GNA14: variants seen among roughly 807,000 people sequenced by gnomAD.
The protein encoded by GNA14 is guanine nucleotide-binding protein subunit alpha-14.
In GNA14, 50 loss-of-function variants were observed where a neutral mutation model predicts 42.0. The observed-to-expected ratio is 1.19, with a 90% confidence interval of 0.95 to 1.51. The LOEUF is 1.51. Among genes scored for constraint, GNA14 ranks in the 40% most tolerant of loss-of-function variants. The probability of loss-of-function intolerance (pLI) is 0.00; values close to 1 mark genes in which losing one functional copy is unlikely to be tolerated. For missense variants in GNA14, 473 were observed against 446.2 expected (o/e 1.06, Z -0.54); for synonymous variants, 173 against 163.1 (o/e 1.06, Z -0.46).
At chr9:77,525,845 A>C (rs1837426415) in intron 2 of GNA14, among the ~76,000 whole-genome samples, 1 of 148,550 alleles carries the variant, frequency 6.7e-6, no homozygotes, top group African/African-American at 2.5e-5. Context: ...GCCGTGCCCC[A>C]GGATGGTTTG....
chr9:77,587,487 T>C (rs1204747504), intron 1 of GNA14, among the ~76,000 whole-genome samples: 1 of 152,222 alleles, frequency 6.6e-6, no homozygotes. Flanking sequence ...AATGAGGTAC[T>C]GGCACATGCT....
At chr9:77,451,834 A>G (rs1027130572) in intron 2 of GNA14, among the ~76,000 whole-genome samples, 1 of 152,192 alleles carries the variant, frequency 6.6e-6, no homozygotes, top group African/African-American at 2.4e-5. Flanking sequence ...TCTCTCCTCA[A>G]GCATCTCAAA....
chr9:77,503,256 TG>T (rs1837004306), intron 2 of GNA14, among the ~76,000 whole-genome samples: 1 of 152,218 alleles, frequency 6.6e-6, no homozygotes, highest in Non-Finnish European at 1.5e-5. Context: ...CCAGTCCTCA[TG>T]GGTGATCAAC....
At chr9:77,604,645 A>G (rs999536341) in intron 1 of GNA14, among the ~76,000 whole-genome samples, 1 of 152,220 alleles carries the variant, frequency 6.6e-6, no homozygotes, top group East Asian at 1.9e-4. Flanking sequence ...GCAGAATGAC[A>G]TGGAAGCAAA....
chr9:77,505,831 A>G (rs1293422126), intron 2 of GNA14, among the ~76,000 whole-genome samples: 1 of 152,228 alleles, frequency 6.6e-6, no homozygotes, highest in Non-Finnish European at 1.5e-5. Flanking sequence ...TTAATCAGGT[A>G]ACAGGTGCAT....
chr9:77,548,102 C>G (rs1011898936), intron 1 of GNA14, among the ~76,000 whole-genome samples: 1 of 152,168 alleles, frequency 6.6e-6, no homozygotes, highest in African/African-American at 2.4e-5. Context: ...GCTGCTGTAA[C>G]AAAGTACCTC....
chr9:77,620,848 CAA>C (rs35141766), intron 1 of GNA14, among the ~76,000 whole-genome samples: 15,000 of 73,370 alleles, frequency 0.2, 635 homozygotes, highest in South Asian at 0.32. Flanking sequence ...AATCTTGTCT[CAA>C]AAAAAAAAAA....
At chr9:77,517,940 C>T (rs543675457) in intron 2 of GNA14, 1 of 151,902 alleles carries the variant, frequency 6.6e-6, no homozygotes, top group African/African-American at 2.4e-5. Flanking sequence ...CTGAAAAGAA[C>T]TCTTGTATTA....
chr9:77,444,139 A>G (rs1399328910), intron 2 of GNA14, among the ~76,000 whole-genome samples: 1 of 152,114 alleles, frequency 6.6e-6, no homozygotes, highest in Non-Finnish European at 1.5e-5. Flanking sequence ...GAACCTACTG[A>G]CGTTTCCCAG....
intron 2 of GNA14, among the ~76,000 whole-genome samples, chr9:77,457,048 A>C (rs1274799696): frequency 6.6e-6 from 1 of 152,216 alleles, no homozygotes; most frequent in Non-Finnish European, 1.5e-5. Context: ...CACAATTGCA[A>C]GCCCATTAAC....
chr9:77,534,652 A>T (rs1306940538), intron 1 of GNA14, among the ~76,000 whole-genome samples: 1 of 152,230 alleles, frequency 6.6e-6, no homozygotes, highest in African/African-American at 2.4e-5. Context: ...ATGAGCACAC[A>T]GTTCTGGATG....
At chr9:77,523,288 G>C (rs1056754023) in intron 2 of GNA14, among the ~76,000 whole-genome samples, 1 of 152,146 alleles carries the variant, frequency 6.6e-6, no homozygotes, top group African/African-American at 2.4e-5. Flanking sequence ...GCATCTGCTC[G>C]GCTTCTGGGG....
chr9:77,474,992 G>C (rs987593227), intron 2 of GNA14, among the ~76,000 whole-genome samples: 1 of 151,972 alleles, frequency 6.6e-6, no homozygotes, highest in Non-Finnish European at 1.5e-5. Flanking sequence ...CTAGGACTGG[G>C]AGGTCATGGA....
intron 1 of GNA14, among the ~76,000 whole-genome samples, chr9:77,551,318 C>G (rs1837782872): frequency 6.6e-6 from 1 of 152,146 alleles, no homozygotes; most frequent in Non-Finnish European, 1.5e-5. Context: ...CTAATGCTGA[C>G]AACTCAAACT....
intron 2 of GNA14, among the ~76,000 whole-genome samples, chr9:77,470,210 A>G (rs995084128): frequency 6.6e-6 from 1 of 152,122 alleles, no homozygotes; most frequent in African/African-American, 2.4e-5. Context: ...ACTGGGGTGG[A>G]GAGACAGTGG....
intron 2 of GNA14, among the ~76,000 whole-genome samples, chr9:77,507,275 A>G (rs73651517): frequency 0.019 from 2,849 of 152,336 alleles, 66 homozygotes; most frequent in African/African-American, 0.065. Context: ...TCTTGCTTCA[A>G]TATGCTTACC....
intron 2 of GNA14, among the ~76,000 whole-genome samples, chr9:77,522,669 G>A (rs942730500): frequency 3.3e-5 from 5 of 152,112 alleles, no homozygotes; most frequent in African/African-American, 1.2e-4. Flanking sequence ...CACCTGGGAG[G>A]GACCTAAAAC....
chr9:77,472,342 G>T (rs548628088), intron 2 of GNA14, among the ~76,000 whole-genome samples: 6 of 152,198 alleles, frequency 3.9e-5, no homozygotes, highest in African/African-American at 1.4e-4. Flanking sequence ...AATCTTTCAT[G>T]GCATGGACTC....
At chr9:77,427,794 T>TC (rs1383346738) in intron 5 of GNA14, among the ~76,000 whole-genome samples, 9 of 152,114 alleles carry the variant, frequency 5.9e-5, no homozygotes, top group African/African-American at 2.2e-4. Flanking sequence ...AGGGAGTCCC[T>TC]CCCAGGAGAC....
Sources: allele counts gnomAD v4.1 joint callset (sites outside exome capture counted in the v4.1 genomes callset), GRCh38; gene constraint gnomAD v4.1.1; transcripts MANE v1.5; gene names NCBI Gene and HGNC (gene_info 2026-07-23, HGNC 2026-07-21).